PDE9A: variants seen among roughly 807,000 people sequenced by gnomAD.
PDE9A encodes the protein phosphodiesterase 9A.
In PDE9A, 60 loss-of-function variants were observed where a neutral mutation model predicts 87.4. That is an observed-to-expected ratio of 0.69 (90% CI 0.56 to 0.85). The LOEUF (loss-of-function observed/expected upper bound fraction) is 0.85, where lower values mean the gene tolerates loss of function less well. Among genes scored for constraint, PDE9A ranks in the 40% least tolerant of loss-of-function variants. The pLI, the probability that PDE9A is intolerant of heterozygous loss-of-function variation, is 0.00. For missense variants in PDE9A, 665 were observed against 779.0 expected, an observed-to-expected ratio of 0.85 and a Z score of 1.74; for synonymous variants, 272 against 279.4, an observed-to-expected ratio of 0.97 and a Z score of 0.27.
At chr21:42,738,208 G>A (rs1442214962) in intron 7 of PDE9A, among the ~76,000 whole-genome samples, 1 of 152,224 alleles carries the variant, frequency 6.6e-6, no homozygotes, top group African/African-American at 2.4e-5. Context: ...GGCAGGAGCT[G>A]ACCGGCTGGG....
chr21:42,662,930 C>T (rs1452124362), intron 1 of PDE9A, among the ~76,000 whole-genome samples: 2 of 148,202 alleles, frequency 1.3e-5, no homozygotes, highest in Non-Finnish European at 3.0e-5. Flanking sequence ...ACATCACACA[C>T]ATGCACACCA....
At chr21:42,758,833 T>A in intron 10 of PDE9A, 166 bp from the exon 11 acceptor site, 1 of 585,888 alleles carries the variant, frequency 1.7e-6, no homozygotes, top group Non-Finnish European at 3.1e-6. Context: ...TCTCTTCCCA[T>A]GTCTGCCGAC....
At chr21:42,740,216 G>A (rs2052971307) in intron 7 of PDE9A, among the ~76,000 whole-genome samples, 1 of 152,132 alleles carries the variant, frequency 6.6e-6, no homozygotes. Flanking sequence ...GGTGAAGGCA[G>A]GAGGATTGCT....
intron 1 of PDE9A, among the ~76,000 whole-genome samples, chr21:42,685,243 A>AC (rs952170589): frequency 2.0e-5 from 3 of 152,146 alleles, no homozygotes; most frequent in Non-Finnish European, 4.4e-5. Context: ...CATGGCCGGG[A>AC]CCCCTTGGAC....
chr21:42,681,481 CTTAG>C (rs1481819357), intron 1 of PDE9A, among the ~76,000 whole-genome samples: 14 of 152,206 alleles, frequency 9.2e-5, no homozygotes, highest in Non-Finnish European at 2.1e-4. Flanking sequence ...GTGTAAACAT[CTTAG>C]ACTAGTGCTT....
intron 4 of PDE9A, among the ~76,000 whole-genome samples, chr21:42,701,490 G>A (rs1278483874): frequency 6.6e-6 from 1 of 151,464 alleles, no homozygotes; most frequent in African/African-American, 2.4e-5. Flanking sequence ...AGGCTGGAGT[G>A]CAGTGATGCG....
At chr21:42,769,386 GGCACACAAAT>G (rs1490739570) in intron 17 of PDE9A, among the ~76,000 whole-genome samples, 2 of 128,748 alleles carry the variant, frequency 1.6e-5, no homozygotes, top group African/African-American at 3.1e-5. Context: ...CAGGTACACA[GGCACACAAAT>G]GCACACACAC....
intron 7 of PDE9A, among the ~76,000 whole-genome samples, chr21:42,738,917 C>T (rs1189324969): frequency 1.3e-5 from 2 of 152,226 alleles, no homozygotes; most frequent in East Asian, 1.9e-4. Context: ...TCTCAAACTC[C>T]TGACCTCAGG....
intron 1 of PDE9A, among the ~76,000 whole-genome samples, chr21:42,679,981 T>C (rs9974113): frequency 0.024 from 3,664 of 152,290 alleles, 140 homozygotes; most frequent in African/African-American, 0.082. Context: ...GGGAGCAGGC[T>C]CAGTGAGAGA....
At chr21:42,769,286 TAC>T (rs550636837) in intron 17 of PDE9A, 131 bp downstream of exon 17, 15 of 782,594 alleles carry the variant, frequency 1.9e-5, no homozygotes, top group Middle Eastern at 2.6e-4. Flanking sequence ...CGTACACAGA[TAC>T]ACACAGACGC....
intron 4 of PDE9A, among the ~76,000 whole-genome samples, chr21:42,726,624 A>ATATATTTTTTTTTTTTTTTT: frequency 5.1e-5 from 1 of 19,770 alleles, no homozygotes; most frequent in African/African-American, 3.4e-4. Context: ...ATATATATAT[A>ATATATTTTTTTTTTTTTTTT]TTTTTTTTTT....
intron 1 of PDE9A, among the ~76,000 whole-genome samples, chr21:42,664,824 C>T (rs1321123311): frequency 1.3e-5 from 2 of 152,230 alleles, no homozygotes; most frequent in African/African-American, 2.4e-5. Flanking sequence ...AGTTTCCTCT[C>T]GACTTCCGCC....
chr21:42,763,782 T>A (rs949003350), intron 14 of PDE9A, among the ~76,000 whole-genome samples: 1 of 152,196 alleles, frequency 6.6e-6, no homozygotes, highest in Non-Finnish European at 1.5e-5. Flanking sequence ...CTCACCACCC[T>A]CCAGGCGTGC....
intron 1 of PDE9A, among the ~76,000 whole-genome samples, chr21:42,672,704 C>T (rs1005693): frequency 0.21 from 31,323 of 152,182 alleles, 3,331 homozygotes; most frequent in East Asian, 0.38. Context: ...TTTAACCCGT[C>T]GAGTTTGGTT....
chr21:42,767,893 C>T (rs1384390220), intron 15 of PDE9A, among the ~76,000 whole-genome samples: 1 of 152,166 alleles, frequency 6.6e-6, no homozygotes, highest in Non-Finnish European at 1.5e-5. Flanking sequence ...GCAATGCACC[C>T]ACCTAGGGAA....
intron 1 of PDE9A, among the ~76,000 whole-genome samples, chr21:42,678,720 G>A (rs544146380): frequency 5.3e-5 from 8 of 152,362 alleles, no homozygotes; most frequent in African/African-American, 7.2e-5. Context: ...ACTGATGGAC[G>A]GCAAACAGCA....
intron 18 of PDE9A, 140 bp from the exon 19 acceptor site, chr21:42,772,299 G>A: frequency 3.2e-6 from 2 of 619,112 alleles, no homozygotes; most frequent in Non-Finnish European, 5.8e-6. Flanking sequence ...CATGTCAGGA[G>A]TGCTTGGGCT....
chr21:42,746,425 C>T (rs564060377), intron 8 of PDE9A, among the ~76,000 whole-genome samples: 3 of 152,310 alleles, frequency 2.0e-5, no homozygotes, highest in Admixed American at 6.5e-5. Context: ...GGGACCTTCC[C>T]GGTCTCTCTT....
intron 1 of PDE9A, among the ~76,000 whole-genome samples, chr21:42,665,408 G>T (rs1021422148): frequency 1.3e-5 from 2 of 152,026 alleles, no homozygotes; most frequent in Non-Finnish European, 1.5e-5. Flanking sequence ...GCTCTTAGAA[G>T]ACCGTTCAAC....
Sources: gnomAD v4.1 joint callset for allele counts (sites outside exome capture counted in the v4.1 genomes callset) on GRCh38, gnomAD v4.1.1 for gene constraint, MANE v1.5 for transcripts, NCBI Gene and HGNC (gene_info 2026-07-23, HGNC 2026-07-21) for gene names.